Variants in MCF2L observed in about 807,000 individuals in gnomAD.
The protein encoded by MCF2L is guanine nucleotide exchange factor DBS.
MCF2L carries 97 observed loss-of-function variants against 153.4 expected under a neutral mutation model. That is an observed-to-expected ratio of 0.63 (90% CI 0.54 to 0.75). MCF2L has a LOEUF of 0.75. Ranked by LOEUF, MCF2L falls within the 30% of genes least tolerant of loss-of-function variation. The pLI is 0.00. For synonymous variants in MCF2L, 659 were observed against 632.2 expected, an observed-to-expected ratio of 1.04 and a Z score of -0.64; for missense variants, 1,347 against 1,495.2, an observed-to-expected ratio of 0.90 and a Z score of 1.64.
At chr13:113,018,406 A>C (rs1394420385) in intron 2 of MCF2L, among the ~76,000 whole-genome samples, 1 of 152,224 alleles carries the variant, frequency 6.6e-6, no homozygotes, top group East Asian at 1.9e-4. Flanking sequence ...TTGAGGAACA[A>C]GGAATTGGGT....
chr13:113,096,063 G>C (rs1436162695), intron 27 of MCF2L: 2 of 508,028 alleles, frequency 3.9e-6, no homozygotes, highest in Non-Finnish European at 7.0e-6. Context: ...AAGCACGGAA[G>C]GGCCCTCCGG....
rs1052159017 is a variant in MCF2L at position 112,983,561 on chromosome 13, G to A, written c.79+14103G>A. On this transcript the variant is annotated intron_variant, in intron 1 of 29. Transcript: ENST00000535094. This position sits in a 1 kb window ranked among gnomAD's most constrained non-coding sequence, Gnocchi z 4.0. ...CTCCAAAGCCCGTGGTGCTGGGCAC[G>A]GCAGAGCCGTAGGCGGAGACAGGGA... Among the ~76,000 whole-genome samples the A allele has an allele frequency of 6.6e-6, 1 of 152,214 alleles. No homozygotes were observed. Among genetic ancestry groups the A allele is most frequent in the African/African-American group, 2.4e-5 (1 of 41,466 alleles).
intron 2 of MCF2L, among the ~76,000 whole-genome samples, chr13:112,914,991 AT>A (rs562578713): frequency 3.3e-5 from 5 of 151,732 alleles, no homozygotes; most frequent in South Asian, 2.1e-4. Flanking sequence ...GAATTCACCC[AT>A]TTTTTTCCTA....
At chr13:112,939,457 G>A (rs1045106321) in intron 2 of MCF2L, among the ~76,000 whole-genome samples, 1 of 152,188 alleles carries the variant, frequency 6.6e-6, no homozygotes, top group East Asian at 1.9e-4. Context: ...GGACAAAGTT[G>A]TCTCTTGGTT....
intron 2 of MCF2L, among the ~76,000 whole-genome samples, chr13:112,914,695 C>T (rs754167169): frequency 5.3e-5 from 8 of 152,228 alleles, no homozygotes; most frequent in Non-Finnish European, 8.8e-5. Flanking sequence ...TCATCACTTG[C>T]ATCTCATGCG....
intron 2 of MCF2L, among the ~76,000 whole-genome samples, chr13:112,912,688 TAATA>T (rs1367101787): frequency 6.6e-6 from 1 of 152,194 alleles, no homozygotes; most frequent in African/African-American, 2.4e-5. Flanking sequence ...GGAAGTCACC[TAATA>T]AATATCCCCA....
At chr13:112,915,367 C>G (rs1277841901) in intron 2 of MCF2L, among the ~76,000 whole-genome samples, 1 of 134,638 alleles carries the variant, frequency 7.4e-6, no homozygotes, top group African/African-American at 2.9e-5. Context: ...TGAGATTGCG[C>G]CACTGCACTC....
intron 27 of MCF2L, 119 bp downstream of exon 27, chr13:113,094,754 C>T: frequency 7.6e-7 from 1 of 1,312,908 alleles, no homozygotes; most frequent in Non-Finnish European, 1.0e-6. Context: ...CCTCCTAACC[C>T]TGGAAGGTCC....
At chr13:113,010,876 G>A (rs756971362) in intron 1 of MCF2L, among the ~76,000 whole-genome samples, 1 of 152,198 alleles carries the variant, frequency 6.6e-6, no homozygotes, top group Non-Finnish European at 1.5e-5. Context: ...ATGCTCGCCT[G>A]CCTGCATCTC....
chr13:113,020,975 G>A (rs1031483881), intron 2 of MCF2L, among the ~76,000 whole-genome samples: 1 of 151,910 alleles, frequency 6.6e-6, no homozygotes, highest in African/African-American at 2.4e-5. Flanking sequence ...GTGTGTACTT[G>A]TAGATGTGTA....
chr13:113,075,262 G>A (rs761018366), intron 11 of MCF2L, 73 bp downstream of exon 11: 390 of 1,397,306 alleles, frequency 2.8e-4, no homozygotes, highest in Non-Finnish European at 3.4e-4. Flanking sequence ...ATCCACCACC[G>A]GCTGACCCTT....
chr13:113,075,849 C>T (rs1042128992), intron 11 of MCF2L, 117 bp from the exon 12 acceptor site: 17 of 782,966 alleles, frequency 2.2e-5, no homozygotes, highest in East Asian at 5.6e-5. Context: ...GGCGGGAGCA[C>T]GAGGAGTCGG....
chr13:112,904,547 A>G lies in MCF2L; in HGVS notation c.169+2176A>G, dbSNP rs1219843815. 2.0e-5 allele frequency among the ~76,000 whole-genome samples: 3 copies of G among 152,136 alleles called. No homozygotes were observed. The highest frequency in any genetic ancestry group is 7.2e-5 in the African/African-American group (3 of 41,414). On this transcript the variant is annotated intron_variant, in intron 2 of 29. Coordinates refer to the MCF2L transcript ENST00000375608. The surrounding 1 kb of genome is among the most constrained non-coding windows in gnomAD (Gnocchi z 4.2). ...GTCACATCTGACTTCTTCCTCCCCT[A>G]ACTCGCAAAACCTCTCTGATCCCTG...
At position 112,912,674 on chromosome 13, in the gene MCF2L, T is replaced by C. The variant is rs372092991; in HGVS notation, c.169+10303T>C. 5.3e-5 allele frequency among the ~76,000 whole-genome samples: 8 copies of C among 152,330 alleles called. No individual in the cohort carries two copies. The South Asian group carries it at 1.7e-3, about 32-fold the overall frequency. On this transcript the variant is annotated intron_variant, in intron 2 of 29. Coordinates refer to the MCF2L transcript ENST00000375608. ...TTGTGTCATTTCTTTTTTATTTATTTGCTGGAAGTCACCTAATAAATATCC... is the reference window on the plus strand; with the variant it reads ...TTGTGTCATTTCTTTTTTATTTATTCGCTGGAAGTCACCTAATAAATATCC...
rs113765069 is a variant in MCF2L, at chr13:113,025,402, T to C, written c.278+644T>C. Among the ~76,000 whole-genome samples, 21 of 39,544 alleles carry C rather than the reference T, an allele frequency of 5.3e-4. 1 individual carries two copies. The highest frequency in any genetic ancestry group is 8.0e-4 in the African/African-American group (7 of 8,738). The allele number at this position is 39,544 out of a possible 152,430, so 25.9% of individuals were successfully genotyped here. A position where few individuals can be genotyped will look rare whatever the true frequency, so the allele number is the denominator to read the frequency against. ...TGACTGTGGGTCGGGGCAGAGTCTC[T>C]GTGAGGTTTCATCATGGTGGGGTCC... is the stretch of plus-strand genomic sequence containing the variant. On this transcript the variant is annotated intron_variant, in intron 3 of 29. Transcript: ENST00000535094.
chr13:113,021,831 G>A (rs2084904021), intron 2 of MCF2L, among the ~76,000 whole-genome samples: 4 of 149,756 alleles, frequency 2.7e-5, no homozygotes, highest in Admixed American at 2.7e-4. Flanking sequence ...TGGGAAGAAA[G>A]AACAGGGTCT....
intron 25 of MCF2L, 101 bp from the exon 26 acceptor site, chr13:113,089,509 C>A: frequency 1.3e-6 from 1 of 773,524 alleles, no homozygotes; most frequent in Non-Finnish European, 2.3e-6. Flanking sequence ...AGGATCAGGC[C>A]GGGAGCTCAG....
chr13:113,058,552 A>G (rs1232031280), intron 4 of MCF2L, among the ~76,000 whole-genome samples: 1 of 136,964 alleles, frequency 7.3e-6, no homozygotes, highest in Non-Finnish European at 1.5e-5. Context: ...GTGGGTGCTG[A>G]GTGTTTAGTA....
chr13:113,021,757 T>C (rs977264753), intron 2 of MCF2L, among the ~76,000 whole-genome samples: 1 of 152,116 alleles, frequency 6.6e-6, no homozygotes. Flanking sequence ...AACCTGCAGG[T>C]ACTGGGAGCT....
Sources: gnomAD v4.1 joint callset for allele counts (sites outside exome capture counted in the v4.1 genomes callset) on GRCh38, gnomAD v4.1.1 for gene constraint, Gnocchi (gnomAD v3.1) non-coding constraint, MANE v1.5 for transcripts, NCBI Gene and HGNC (gene_info 2026-07-23, HGNC 2026-07-21) for gene names.